SEMA3F: variants seen among roughly 807,000 people sequenced by gnomAD.
The protein encoded by SEMA3F is semaphorin-3F.
SEMA3F carries 30 observed loss-of-function variants against 98.5 expected under a neutral mutation model. The observed-to-expected ratio is 0.30, with a 90% CI of 0.23 to 0.41. SEMA3F has a LOEUF of 0.41. Among genes scored for constraint, SEMA3F ranks in the 10% least tolerant of loss-of-function variants. SEMA3F has a pLI of 1.00. For missense variants in SEMA3F, 866 were observed against 1,119.3 expected (o/e 0.77, Z 3.23); for synonymous variants, 380 against 444.8 (o/e 0.85, Z 1.83).
In SEMA3F at chr3:50,182,936, C is replaced by T. The variant is rs751995189; in HGVS notation, c.936C>T (p.Asn312=). The change falls in exon 10 of 19, where the codon AAC becomes AAT. Residue 312 remains asparagine, a synonymous_variant. Coordinates refer to ENST00000002829, the MANE Select transcript of SEMA3F (RefSeq NM_004186.5). The surrounding 1 kb of genome is among the most constrained non-coding windows in gnomAD (Gnocchi z 4.5). The part of the protein sequence containing the change: ...NDDGGHCCLV[N]KWSTFLKARL... ...ACGGTGGTCACTGTTGCCTGGTCAA[C>T]AAGTGGAGCACATTCCTGAAGGCGC... 3.1e-6 allele frequency: 5 copies of T among 1,614,050 alleles called. No homozygotes were observed. Among genetic ancestry groups the T allele is most frequent in the Admixed American group, 3.3e-5 (2 of 60,024 alleles).
At chr3:50,155,196 C>A (rs1360649395), upstream of SEMA3F, 4 of 345,044 alleles carry the variant, frequency 1.2e-5, no homozygotes, top group South Asian at 1.3e-4. The surrounding 1 kb of genome is among the most constrained non-coding windows in gnomAD (Gnocchi z 4.9). Flanking sequence ...CGGCCCGGGT[C>A]CAGCAGCCAG....
intron 2 of SEMA3F, among the ~76,000 whole-genome samples, chr3:50,171,143 C>T (rs1238583924): frequency 6.6e-6 from 1 of 152,182 alleles, no homozygotes; most frequent in East Asian, 1.9e-4. Flanking sequence ...AAGGGGCTCC[C>T]TCCACCCCCA....
rs1403526359 is a variant in SEMA3F at position 50,158,895 on chromosome 3, T to C, written c.-48-680T>C. ...CCACTGGCCATCCTAGCTTCCCTTCTTTGCCCTCTAGAGGCGGAGCTGGAA... is the reference window on the plus strand; with the variant it reads ...CCACTGGCCATCCTAGCTTCCCTTCCTTGCCCTCTAGAGGCGGAGCTGGAA... On this transcript the variant is annotated intron_variant, in intron 1 of 18. Coordinates refer to ENST00000002829, the MANE Select transcript of SEMA3F (RefSeq NM_004186.5). The surrounding 1 kb of genome is among the most constrained non-coding windows in gnomAD (Gnocchi z 4.8). The C allele has an allele frequency of 6.6e-6, 1 of 152,276 alleles. No homozygotes were observed. The highest frequency in any genetic ancestry group is 1.5e-5 in the Non-Finnish European group (1 of 68,098). The allele number at this position is 152,276 out of a possible 1,614,324, so 9.4% of individuals were successfully genotyped here.
rs59949761 is a variant in SEMA3F at position 50,188,174 on chromosome 3, GATATATATATAT to G, written c.*73_*84del. 1.3e-5 allele frequency: 4 copies of G among 299,264 alleles called. No homozygotes were observed. In the East Asian group the frequency reaches 2.2e-4, roughly 17 times the overall value. 18.5% of individuals were successfully genotyped at this position (299,264 alleles called of 1,614,324 possible). A position where few individuals can be genotyped will look rare whatever the true frequency, so the allele number is the denominator to read the frequency against. On this transcript the variant is annotated 3_prime_UTR_variant, in exon 19 of 19. Transcript: ENST00000002829. This position sits in a 1 kb window ranked among gnomAD's most constrained non-coding sequence, Gnocchi z 4.5. ...AGCCCTTGTCCCTTTTAATATAAAA[GATATATATATAT>G]ATATATATATATAAAATATCTATAT...
At chr3:50,176,891 C>T (rs1698836711) in intron 7 of SEMA3F, 30 bp downstream of exon 7, 1 of 1,550,748 alleles carries the variant, frequency 6.4e-7, no homozygotes, top group East Asian at 2.2e-5. Flanking sequence ...GCTCTACAGT[C>T]TCAATGTGTG....
intron 5 of SEMA3F, 82 bp from the exon 6 acceptor site, chr3:50,175,014 T>C: frequency 1.1e-6 from 1 of 908,006 alleles, no homozygotes; most frequent in Non-Finnish European, 1.8e-6. Flanking sequence ...CTGGCCTGTG[T>C]GGTGTTAGAG....
chr3:50,184,309 G>T (rs568886208), intron 12 of SEMA3F: 2 of 491,950 alleles, frequency 4.1e-6, no homozygotes, highest in South Asian at 4.3e-5. Flanking sequence ...TGACAGGGGT[G>T]GGGAGGGGGA....
At position 50,186,064 on chromosome 3, in the gene SEMA3F, C is replaced by T; in HGVS notation, c.1745+18C>T. On this transcript the variant is annotated intron_variant, in intron 16 of 18. Coordinates refer to ENST00000002829, the MANE Select transcript of SEMA3F (RefSeq NM_004186.5). Reference sequence around the variant, plus strand: ...TCCAAGAGGTGTGGACCCCTAGACACCTAGAATTTTAGCAACCAGTCCCAG... The same window carrying T: ...TCCAAGAGGTGTGGACCCCTAGACATCTAGAATTTTAGCAACCAGTCCCAG... 2 of 1,590,126 alleles carry T rather than the reference C, an allele frequency of 1.3e-6. No homozygotes were observed.
In SEMA3F at chr3:50,186,648, G is replaced by A. The variant is rs1399111219; in HGVS notation, c.1849G>A (p.Val617Met). The part of the protein sequence containing the change: ...KNAVESVQYG[V>M]AGSAAFLECQ... ...TGCCGTGGAGTCTGTGCAGTATGGCGTGGCCGGCAGCGCAGCCTTCCTTGA... is the reference window on the plus strand; with the variant it reads ...TGCCGTGGAGTCTGTGCAGTATGGCATGGCCGGCAGCGCAGCCTTCCTTGA... The change falls in exon 18 of 19, where the codon GTG (valine) becomes ATG (methionine). Residue 617 changes from valine to methionine, a missense_variant. Transcript: ENST00000002829. 8.1e-6 allele frequency: 13 copies of A among 1,607,192 alleles called. 1 individual carries two copies. The highest frequency in any genetic ancestry group is 2.7e-5 in the African/African-American group (2 of 74,824).
At chr3:50,159,853 A>G (rs1698137964) in intron 2 of SEMA3F, 119 bp downstream of exon 2, 3 of 714,068 alleles carry the variant, frequency 4.2e-6, no homozygotes, top group South Asian at 1.6e-5. Context: ...GTACAGCCAC[A>G]TAGGTTGTGG....
chr3:50,183,175 T>G lies in SEMA3F; in HGVS notation c.1019-11T>G. ...ATGGCACCCTCCAACACCTTCTCCC[T>G]CTGTCCCCAGAGGACGTGTTTGTCC... is the stretch of plus-strand genomic sequence containing the variant. On this transcript the variant is annotated splice_polypyrimidine_tract_variant and intron_variant, in intron 10 of 18. Transcript: ENST00000002829. 1 of 1,613,768 alleles carries G rather than the reference T, an allele frequency of 6.2e-7. No homozygotes were observed. The highest frequency in any genetic ancestry group is 8.5e-7 in the Non-Finnish European group (1 of 1,179,758).
intron 6 of SEMA3F, among the ~76,000 whole-genome samples, chr3:50,175,865 G>A (rs1423816185): frequency 6.6e-6 from 1 of 152,164 alleles, no homozygotes; most frequent in African/African-American, 2.4e-5. Flanking sequence ...TATGTTCAGA[G>A]CTGTGTGTGC....
chr3:50,185,693 A>G lies in SEMA3F; in HGVS notation c.1573A>G (p.Ile525Val), dbSNP rs764335741. 1 of 1,614,194 alleles carries G rather than the reference A, an allele frequency of 6.2e-7. No homozygotes were observed. The highest frequency in any genetic ancestry group is 1.1e-5 in the South Asian group (1 of 91,086). Residue 525 changes from isoleucine to valine, a missense_variant, in exon 15 of 19, where the codon ATC becomes GTC. Ile to Val is a conservative substitution (Grantham distance 29). Coordinates refer to ENST00000002829, the MANE Select transcript of SEMA3F (RefSeq NM_004186.5). The stretch of plus-strand genomic sequence containing the variant: ...TCCAGCACCCGTCAAGACCATGACC[A>G]TCTCTTCTAAGAGGGTAAGCCTTTG... ...KDPAPVKTMTISSKRQQLYVA... is the reference protein window; with the variant it reads ...KDPAPVKTMTVSSKRQQLYVA...
Position 50,184,193 on chromosome 3 carries a change from AAGG to A in SEMA3F, c.1234-393_1234-391del, listed in dbSNP as rs1192147837. 4.8e-5 allele frequency: 12 copies of A among 250,806 alleles called. No homozygotes were observed. In the East Asian group the frequency reaches 1.1e-3, roughly 23 times the overall value. 15.5% of individuals were successfully genotyped at this position (250,806 alleles called of 1,614,324 possible). A position where few individuals can be genotyped will look rare whatever the true frequency, so the allele number is the denominator to read the frequency against. On this transcript the variant is annotated intron_variant, in intron 12 of 18. Coordinates refer to ENST00000002829, the MANE Select transcript of SEMA3F (RefSeq NM_004186.5). ...CCCAGGTTCAGGGGACAGCTTCAGG[AAGG>A]AGGAGAGTGAGCCTGGTGTGTGACA...
chr3:50,176,779 C>T lies in SEMA3F; in HGVS notation c.561C>T (p.Phe187=). The T allele has an allele frequency of 6.2e-7, 1 of 1,612,554 alleles. No individual in the cohort carries two copies. Among genetic ancestry groups the T allele is most frequent in the Non-Finnish European group, 8.5e-7 (1 of 1,179,258 alleles). The change falls in exon 7 of 19, where the codon TTC becomes TTT. Residue 187 remains phenylalanine, a synonymous_variant. Transcript: ENST00000002829. ...GCTCTGCCTTACAGGATTACATCTT[C>T]TACCTGGAGCCTGAGCGACTCGAGT... ...MPTAPRQDYI[F]YLEPERLESG...
Position 50,185,525 on chromosome 3 carries a change from C to A in SEMA3F, c.1539C>A (p.Val513=). 6.2e-7 allele frequency: 1 copy of A among 1,613,936 alleles called. No homozygotes were observed. The highest frequency in any genetic ancestry group is 1.1e-5 in the South Asian group (1 of 91,068). The change falls in exon 14 of 19, where the codon GTC becomes GTA. Residue 513 remains valine (V), a synonymous_variant. Coordinates refer to ENST00000002829, the MANE Select transcript of SEMA3F (RefSeq NM_004186.5). ...LEELMLEEVE[V]FKDPAPVKTM... The stretch of plus-strand genomic sequence containing the variant: ...AGCTCATGCTGGAGGAGGTGGAGGT[C>A]TTCAAGGTGGGTGTGACACCACCCA...
Position 50,182,624 on chromosome 3 carries a change from C to T in SEMA3F, c.764-20C>T, listed in dbSNP as rs1407520043. 2 of 1,608,446 alleles carry T rather than the reference C, an allele frequency of 1.2e-6. No individual in the cohort carries two copies. Among genetic ancestry groups the T allele is most frequent in the East Asian group, 2.2e-5 (1 of 44,740 alleles). On this transcript the variant is annotated intron_variant, in intron 8 of 18. Transcript: ENST00000002829. This position sits in a 1 kb window ranked among gnomAD's most constrained non-coding sequence, Gnocchi z 4.5. ...ACCATCAGAGTAGGGGCTCACCCAG[C>T]TGACCCCTGCCACCTGCAGACCCGT...
chr3:50,162,415 G>A (rs1698240633), intron 2 of SEMA3F, among the ~76,000 whole-genome samples: 1 of 152,242 alleles, frequency 6.6e-6, no homozygotes, highest in African/African-American at 2.4e-5. Flanking sequence ...TCAGGCAGAA[G>A]TGAGGGTCAA....
Position 50,160,749 on chromosome 3 carries a change from C to T in SEMA3F, c.112+1015C>T, listed in dbSNP as rs576378790. On this transcript the variant is annotated intron_variant, in intron 2 of 18. Coordinates refer to ENST00000002829, the MANE Select transcript of SEMA3F (RefSeq NM_004186.5). ...AAGGCTGGGGTGACCTTTCCTTCCT[C>T]GGGCTTGGCGGAGGCCCAGCCCTCA... Among the ~76,000 whole-genome samples, 4 of 152,334 alleles carry T rather than the reference C, an allele frequency of 2.6e-5. No individual in the cohort carries two copies. The South Asian group carries it at 8.3e-4, about 32-fold the overall frequency.
Sources: allele counts gnomAD v4.1 joint callset (sites outside exome capture counted in the v4.1 genomes callset), GRCh38; gene constraint gnomAD v4.1.1; non-coding constraint Gnocchi (gnomAD v3.1); transcripts MANE v1.5; gene names NCBI Gene and HGNC (gene_info 2026-07-23, HGNC 2026-07-21).